The following MCTP1 variants were observed in gnomAD, a reference collection of about 807,000 sequenced individuals.
MCTP1 encodes multiple C2 and transmembrane domain containing 1.
In MCTP1, 69 loss-of-function variants were observed where a neutral mutation model predicts 120.6. That is an observed-to-expected ratio of 0.57 (90% confidence interval 0.47 to 0.70). MCTP1 has a LOEUF of 0.70. MCTP1 is among the 30% of genes least tolerant of loss of function. The pLI, the probability that MCTP1 is intolerant of heterozygous loss-of-function variation, is 0.00. For synonymous variants in MCTP1, 529 were observed against 493.1 expected (o/e 1.07, Z -0.96); for missense variants, 1,203 against 1,248.8 (o/e 0.96, Z 0.55).
intron 18 of MCTP1, among the ~76,000 whole-genome samples, chr5:94,794,984 C>T (rs1387687210): frequency 6.6e-6 from 1 of 152,176 alleles, no homozygotes; most frequent in Admixed American, 6.5e-5. Flanking sequence ...GGAGTATAAA[C>T]TTCAGACAGA....
chr5:95,168,589 G>A (rs900213047), intron 1 of MCTP1, among the ~76,000 whole-genome samples: 2 of 152,162 alleles, frequency 1.3e-5, no homozygotes, highest in Non-Finnish European at 2.9e-5. Flanking sequence ...GCAGTGGTTT[G>A]TAGTTCTCCT....
At chr5:95,143,576 G>A (rs546093971) in intron 1 of MCTP1, among the ~76,000 whole-genome samples, 1 of 151,936 alleles carries the variant, frequency 6.6e-6, no homozygotes, top group East Asian at 1.9e-4. Flanking sequence ...TCCTCTAATA[G>A]TCACCAGTTT....
chr5:94,738,788 T>C (rs1032769958), intron 19 of MCTP1, among the ~76,000 whole-genome samples: 2 of 152,154 alleles, frequency 1.3e-5, no homozygotes, highest in African/African-American at 4.8e-5. Context: ...CGGCGATTGT[T>C]GTGTGTTTTA....
intron 17 of MCTP1, among the ~76,000 whole-genome samples, chr5:94,856,670 A>T (rs571521216): frequency 1.3e-5 from 2 of 151,886 alleles, no homozygotes; most frequent in Non-Finnish European, 2.9e-5. Flanking sequence ...CAGGTACTTT[A>T]TACAGGAAAG....
chr5:94,787,425 G>C (rs1187810761), intron 18 of MCTP1, among the ~76,000 whole-genome samples: 1 of 152,060 alleles, frequency 6.6e-6, no homozygotes, highest in African/African-American at 2.4e-5. Context: ...CTGTGGCAAT[G>C]CTATTATCTT....
chr5:94,730,550 C>A (rs370576636), intron 19 of MCTP1, among the ~76,000 whole-genome samples: 2 of 152,150 alleles, frequency 1.3e-5, no homozygotes, highest in East Asian at 3.9e-4. Flanking sequence ...GTATGAGGTG[C>A]CCAGTGGATC....
At chr5:94,777,800 A>C (rs1036814461) in intron 19 of MCTP1, among the ~76,000 whole-genome samples, 2 of 152,168 alleles carry the variant, frequency 1.3e-5, no homozygotes, top group African/African-American at 2.4e-5. Flanking sequence ...TTTTGCAGGA[A>C]GGAGATTTTG....
intron 1 of MCTP1, among the ~76,000 whole-genome samples, chr5:95,232,820 T>C (rs1755114767): frequency 6.6e-6 from 1 of 152,208 alleles, no homozygotes; most frequent in Non-Finnish European, 1.5e-5. Flanking sequence ...CCTATATTAA[T>C]ATTAGACAAA....
intron 10 of MCTP1, among the ~76,000 whole-genome samples, chr5:94,906,517 G>A (rs1214823092): frequency 6.6e-6 from 1 of 152,048 alleles, no homozygotes; most frequent in Admixed American, 6.5e-5. Flanking sequence ...AGTGGGTAAT[G>A]TTCAGTACTA....
In MCTP1 at chr5:94,759,188, A is replaced by G. The variant is rs189351031; in HGVS notation, c.2610+19922T>C. Among the ~76,000 whole-genome samples, 457 of 152,346 alleles carry G rather than the reference A, an allele frequency of 3.0e-3. 7 individuals carry two copies. The highest frequency in any genetic ancestry group is 0.024 in the Middle Eastern group (7 of 294). On this transcript the variant is annotated intron_variant, in intron 19 of 22. Transcript: ENST00000515393. ...ATCACCAGATCTCTACAGACAAGGC[A>G]TATCTATCAAACCATGCCTACCATA...
chr5:95,091,051 A>C (rs1755805902), intron 1 of MCTP1, among the ~76,000 whole-genome samples: 1 of 152,136 alleles, frequency 6.6e-6, no homozygotes, highest in East Asian at 1.9e-4. Flanking sequence ...CTCCATCTGG[A>C]GATGCTCCTG....
intron 19 of MCTP1, among the ~76,000 whole-genome samples, chr5:94,732,182 CTA>C (rs1763242777): frequency 6.6e-6 from 1 of 152,172 alleles, no homozygotes; most frequent in Non-Finnish European, 1.5e-5. Context: ...GTGCAGATTG[CTA>C]TGATTTTATT....
At chr5:95,281,595 C>T (rs963452121) in intron 1 of MCTP1, among the ~76,000 whole-genome samples, 6 of 152,204 alleles carry the variant, frequency 3.9e-5, no homozygotes, top group Non-Finnish European at 8.8e-5. Flanking sequence ...TCAGGGTTTA[C>T]CATTCTGTCT....
chr5:94,721,836 A>G (rs1009037689), intron 19 of MCTP1, among the ~76,000 whole-genome samples: 5 of 94,980 alleles, frequency 5.3e-5, no homozygotes, highest in Non-Finnish European at 6.4e-5. Flanking sequence ...TGGTAGTGAC[A>G]CTGTTTTGTT....
At chr5:95,091,066 C>T (rs955118157) in intron 1 of MCTP1, among the ~76,000 whole-genome samples, 2 of 152,100 alleles carry the variant, frequency 1.3e-5, no homozygotes, top group African/African-American at 4.8e-5. Context: ...CTCCTGGTAC[C>T]TCAAACTAAC....
intron 2 of MCTP1, 136 bp downstream of exon 2, chr5:95,017,231 A>G (rs1191094022): frequency 1.9e-6 from 1 of 536,370 alleles, no homozygotes. Context: ...TAATGTGTCA[A>G]ACTGTGTCTT....
intron 1 of MCTP1, among the ~76,000 whole-genome samples, chr5:95,247,442 T>C (rs1050539749): frequency 2.6e-5 from 4 of 152,148 alleles, no homozygotes; most frequent in Admixed American, 2.6e-4. Flanking sequence ...AGCTTTTGAA[T>C]TTGTTTCTTT....
At chr5:94,956,134 T>C (rs60313866) in intron 2 of MCTP1, among the ~76,000 whole-genome samples, 24,616 of 152,074 alleles carry the variant, frequency 0.16, 2,212 homozygotes, top group Non-Finnish European at 0.2. Flanking sequence ...CAGTCTGGAG[T>C]TGACCCCAGC....
chr5:94,940,575 T>C (rs967263380), intron 4 of MCTP1, among the ~76,000 whole-genome samples: 2 of 119,438 alleles, frequency 1.7e-5, no homozygotes, highest in Non-Finnish European at 1.8e-5. Context: ...TATATATATA[T>C]ACATATATAT....
Sources: gnomAD v4.1 joint callset for allele counts (sites outside exome capture counted in the v4.1 genomes callset) on GRCh38, gnomAD v4.1.1 for gene constraint, MANE v1.5 for transcripts, NCBI Gene and HGNC (gene_info 2026-07-23, HGNC 2026-07-21) for gene names.